The following DCDC1 variants were observed in gnomAD, a reference collection of about 807,000 sequenced individuals.
The protein encoded by DCDC1 is doublecortin domain-containing protein 1.
Under a neutral mutation model 178.3 loss-of-function variants are expected in DCDC1, and 200 were observed. That is an observed-to-expected ratio of 1.12 (90% CI 1.00 to 1.26). The LOEUF is 1.26. Ranked by LOEUF, DCDC1 falls within the 50% of genes most tolerant of loss-of-function variation. The pLI, the probability that DCDC1 is intolerant of heterozygous loss-of-function variation, is 0.00. For missense variants in DCDC1, 1,983 were observed against 1,749.2 expected (o/e 1.13, Z -2.38); for synonymous variants, 690 against 604.8 (o/e 1.14, Z -2.07).
At chr11:31,366,823 G>T (rs996446607) in intron 1 of DCDC1, among the ~76,000 whole-genome samples, 3 of 152,154 alleles carry the variant, frequency 2.0e-5, no homozygotes, top group African/African-American at 7.2e-5. Context: ...TATATAACAG[G>T]GAAGAAATGT....
At chr11:31,354,433 G>A (rs769382028) in intron 1 of DCDC1, among the ~76,000 whole-genome samples, 1 of 152,056 alleles carries the variant, frequency 6.6e-6, no homozygotes, top group Non-Finnish European at 1.5e-5. Context: ...TAAATCTTCT[G>A]CTTTCACCAT....
At chr11:31,068,364 G>C (rs638653) in intron 18 of DCDC1, among the ~76,000 whole-genome samples, 2 of 151,880 alleles carry the variant, frequency 1.3e-5, no homozygotes, top group Non-Finnish European at 2.9e-5. Flanking sequence ...TAAAATTTTA[G>C]ATGTGTACTC....
At chr11:31,069,143 G>A (rs1215004896) in intron 18 of DCDC1, among the ~76,000 whole-genome samples, 4 of 151,984 alleles carry the variant, frequency 2.6e-5, no homozygotes, top group African/African-American at 7.2e-5. Context: ...GAGCCACCGC[G>A]CCTGGCCCAT....
intron 9 of DCDC1, among the ~76,000 whole-genome samples, chr11:31,177,321 A>G (rs968468162): frequency 2.6e-5 from 4 of 152,118 alleles, no homozygotes; most frequent in Non-Finnish European, 1.5e-5. Flanking sequence ...TAGGGGGAAA[A>G]AAAAGCTTAG....
intron 1 of DCDC1, among the ~76,000 whole-genome samples, chr11:31,351,525 T>C (rs1951069371): frequency 1.3e-5 from 2 of 152,148 alleles, no homozygotes; most frequent in South Asian, 4.1e-4. Context: ...GATTATCATG[T>C]AGCAATGGAG....
At chr11:30,963,117 A>C (rs557306109) in intron 20 of DCDC1, among the ~76,000 whole-genome samples, 1 of 152,240 alleles carries the variant, frequency 6.6e-6, no homozygotes, top group South Asian at 2.1e-4. Flanking sequence ...AAGCAAGATA[A>C]ATGAATGCTC....
chr11:31,195,250 C>T (rs1970565989), intron 9 of DCDC1, among the ~76,000 whole-genome samples: 1 of 152,214 alleles, frequency 6.6e-6, no homozygotes, highest in African/African-American at 2.4e-5. Flanking sequence ...GTTATGGAGG[C>T]TAGTCCTGGT....
chr11:31,174,480 AC>A (rs2136240477), intron 9 of DCDC1, among the ~76,000 whole-genome samples: 1 of 152,292 alleles, frequency 6.6e-6, no homozygotes, highest in East Asian at 1.9e-4. Context: ...CTCAGCATGA[AC>A]AGTATGGGAA....
At chr11:31,250,415 C>CACACACACACACACATATATATATAT (rs1223526182) in intron 8 of DCDC1, among the ~76,000 whole-genome samples, 3 of 73,734 alleles carry the variant, frequency 4.1e-5, no homozygotes, top group South Asian at 5.4e-4. Flanking sequence ...CACACACACA[C>CACACACACACACACATATATATATAT]ATATACATAT....
At chr11:31,174,932 G>C (rs11031304) in intron 9 of DCDC1, among the ~76,000 whole-genome samples, 9,125 of 152,204 alleles carry the variant, frequency 0.06, 421 homozygotes, top group Non-Finnish European at 0.092. Flanking sequence ...ATCCTTCCTG[G>C]ACACAGTTCA....
At chr11:31,362,472 A>G (rs1318371645) in intron 1 of DCDC1, among the ~76,000 whole-genome samples, 2 of 152,190 alleles carry the variant, frequency 1.3e-5, no homozygotes, top group Admixed American at 1.3e-4. Context: ...AAAATATACA[A>G]TTAATATTCA....
chr11:31,307,890 C>T lies in DCDC1; in HGVS notation c.183G>A (p.Gln61=). Reference sequence around the variant, plus strand: ...CAGTAGTTTTAATAACTGCTTTTGCCTGGGATGACATAAACTCTCTGGAAG... The same window carrying T: ...CAGTAGTTTTAATAACTGCTTTTGCTTGGGATGACATAAACTCTCTGGAAG... ...NDLPREFMSS[Q]AKAVIKTTDD... The change falls in exon 4 of 39, where the codon CAG becomes CAA. Residue 61 remains glutamine (Q), a synonymous_variant. Coordinates refer to ENST00000684477, the MANE Select transcript of DCDC1 (RefSeq NM_001387274.1). The T allele has an allele frequency of 6.2e-7, 1 of 1,613,936 alleles. No homozygotes were observed. The highest frequency in any genetic ancestry group is 8.5e-7 in the Non-Finnish European group (1 of 1,179,926).
chr11:30,998,896 C>G (rs1327601273), intron 20 of DCDC1, among the ~76,000 whole-genome samples: 1 of 152,102 alleles, frequency 6.6e-6, no homozygotes, highest in African/African-American at 2.4e-5. Context: ...ACCATCTTAA[C>G]CAAGTGATCA....
intron 17 of DCDC1, among the ~76,000 whole-genome samples, chr11:31,087,454 TTTC>T (rs1957548420): frequency 6.6e-6 from 1 of 152,232 alleles, no homozygotes; most frequent in Admixed American, 6.5e-5. Flanking sequence ...ATTTAATATC[TTTC>T]TTCTTTTCTT....
chr11:31,187,261 T>C (rs1969615166), intron 9 of DCDC1, among the ~76,000 whole-genome samples: 1 of 152,208 alleles, frequency 6.6e-6, no homozygotes, highest in Non-Finnish European at 1.5e-5. Flanking sequence ...ATGCCATTGG[T>C]GCATGCCAAT....
At chr11:30,962,370 G>C (rs187052616) in intron 20 of DCDC1, among the ~76,000 whole-genome samples, 1 of 152,046 alleles carries the variant, frequency 6.6e-6, no homozygotes, top group Non-Finnish European at 1.5e-5. Context: ...ATTTAAAACA[G>C]GAACTGGACT....
intron 9 of DCDC1, among the ~76,000 whole-genome samples, chr11:31,173,038 A>C (rs913834658): frequency 3.3e-5 from 5 of 152,242 alleles, no homozygotes; most frequent in Non-Finnish European, 7.3e-5. Flanking sequence ...CAATACAACT[A>C]CTACATCACT....
intron 38 of DCDC1, among the ~76,000 whole-genome samples, 164 bp downstream of exon 38, chr11:30,878,380 G>A (rs562627116): frequency 6.6e-6 from 1 of 152,150 alleles, no homozygotes; most frequent in African/African-American, 2.4e-5. Context: ...GTGAGCCCCG[G>A]GAGGTCAAGG....
chr11:31,187,139 T>C (rs1969597257), intron 9 of DCDC1, among the ~76,000 whole-genome samples: 1 of 152,200 alleles, frequency 6.6e-6, no homozygotes, highest in South Asian at 2.1e-4. Context: ...TGGAACTTGT[T>C]TGAGAACACT....
Sources: allele counts gnomAD v4.1 joint callset (sites outside exome capture counted in the v4.1 genomes callset), GRCh38; gene constraint gnomAD v4.1.1; transcripts MANE v1.5; gene names NCBI Gene and HGNC (gene_info 2026-07-23, HGNC 2026-07-21).